Variants in SAMD5 observed in about 807,000 individuals in gnomAD.
SAMD5 encodes the protein sterile alpha motif domain containing 5.
SAMD5 carries 13 observed loss-of-function variants against 11.3 expected under a neutral mutation model. That is an observed-to-expected ratio of 1.15 (90% CI 0.75 to 1.83). The LOEUF (loss-of-function observed/expected upper bound fraction) is 1.83. SAMD5 is among the 40% of genes most tolerant of loss of function. SAMD5 has a pLI of 0.00. For synonymous variants in SAMD5, 129 were observed against 111.3 expected, an observed-to-expected ratio of 1.16 and a Z score of -1.00; for missense variants, 255 against 239.1, an observed-to-expected ratio of 1.07 and a Z score of -0.44.
chr6:147,564,245 A>C (rs1391527941), intron 1 of SAMD5, 149 bp from the exon 2 acceptor site: 3 of 512,252 alleles, frequency 5.9e-6, no homozygotes, highest in Non-Finnish European at 1.1e-5. Context: ...GATAACAAGC[A>C]AAAACTCTTA....
At chr6:147,671,079 T>G (rs946889035) in intron 1 of SAMD5, among the ~76,000 whole-genome samples, 3 of 152,162 alleles carry the variant, frequency 2.0e-5, no homozygotes, top group Admixed American at 1.3e-4. Context: ...ATGTTGTGTC[T>G]CAGTGAAATA....
chr6:147,722,231 T>C (rs943392424), intron 1 of SAMD5, among the ~76,000 whole-genome samples: 9 of 152,028 alleles, frequency 5.9e-5, no homozygotes, highest in African/African-American at 2.2e-4. Flanking sequence ...CTCAATGATA[T>C]GCAAGAGGTA....
intron 1 of SAMD5, among the ~76,000 whole-genome samples, chr6:147,621,344 T>C (rs1789962486): frequency 6.6e-6 from 1 of 152,160 alleles, no homozygotes; most frequent in African/African-American, 2.4e-5. Context: ...TCAATGGAGC[T>C]TGACTTCTGA....
the SAMD5 span, among the ~76,000 whole-genome samples, chr6:147,791,418 A>G: frequency 6.6e-6 from 1 of 152,184 alleles, no homozygotes; most frequent in East Asian, 1.9e-4. Context: ...ATGGTTTTTC[A>G]GATGACTACA....
intron 1 of SAMD5, among the ~76,000 whole-genome samples, chr6:147,705,134 G>A (rs576362949): frequency 1.3e-5 from 2 of 152,270 alleles, no homozygotes; most frequent in African/African-American, 4.8e-5. Flanking sequence ...AATAGATTTT[G>A]TTGCTGTCTA....
Position 147,564,720 on chromosome 6 carries a change from A to C in SAMD5, c.*264A>C, listed in dbSNP as rs1328384396. The C allele has an allele frequency of 8.9e-7, 1 of 1,123,042 alleles. No homozygotes were observed. The highest frequency in any genetic ancestry group is 5.8e-5 in the East Asian group (1 of 17,280). 69.6% of individuals were successfully genotyped at this position (1,123,042 alleles called of 1,614,324 possible). ...TTAAGAAGATATCATGATGAGATAC[A>C]GTCTTATGCATTTCTTGGCATTCTC... is the stretch of plus-strand genomic sequence containing the variant. On this transcript the variant is annotated 3_prime_UTR_variant, in exon 2 of 2. Transcript: ENST00000367474.
At chr6:147,543,850 G>A (rs1057122292) in intron 1 of SAMD5, among the ~76,000 whole-genome samples, 1 of 152,156 alleles carries the variant, frequency 6.6e-6, no homozygotes, top group African/African-American at 2.4e-5. Context: ...GTTGGGAGAA[G>A]CTTTGGAGGC....
chr6:147,880,073 C>A, the SAMD5 span, among the ~76,000 whole-genome samples: 1 of 152,136 alleles, frequency 6.6e-6, no homozygotes, highest in African/African-American at 2.4e-5. Flanking sequence ...ATGTGTTTTC[C>A]ATATGTCATT....
At chr6:147,925,502 T>TA in the SAMD5 span, among the ~76,000 whole-genome samples, 40 of 152,028 alleles carry the variant, frequency 2.6e-4, no homozygotes, top group African/African-American at 8.9e-4. Context: ...TTTTTTTTTT[T>TA]AATTCAGGAG....
chr6:147,875,786 C>T, the SAMD5 span, among the ~76,000 whole-genome samples: 14 of 152,116 alleles, frequency 9.2e-5, no homozygotes, highest in African/African-American at 3.4e-4. Flanking sequence ...GAATCCAGTG[C>T]CTGATGATCT....
the SAMD5 span, among the ~76,000 whole-genome samples, chr6:147,851,097 T>C: frequency 6.6e-6 from 1 of 151,566 alleles, no homozygotes; most frequent in Admixed American, 6.6e-5. Context: ...CAGGCGCCCA[T>C]TGTGCCAGGC....
chr6:147,760,585 A>C, the SAMD5 span, among the ~76,000 whole-genome samples: 1 of 152,302 alleles, frequency 6.6e-6, no homozygotes, highest in African/African-American at 2.4e-5. Context: ...AAGAATTGCC[A>C]GTGGGAACAC....
intron 1 of SAMD5, among the ~76,000 whole-genome samples, chr6:147,518,104 C>T (rs1466839557): frequency 1.3e-5 from 2 of 152,110 alleles, no homozygotes; most frequent in Non-Finnish European, 2.9e-5. Flanking sequence ...GTAAAGGTGT[C>T]TGTGGCCCAA....
At chr6:147,839,372 T>C in the SAMD5 span, among the ~76,000 whole-genome samples, 3 of 152,238 alleles carry the variant, frequency 2.0e-5, no homozygotes, top group Non-Finnish European at 2.9e-5. Context: ...TCTAATATAA[T>C]GTTTTTTTAA....
At chr6:147,725,380 G>A (rs1321309627) in intron 1 of SAMD5, among the ~76,000 whole-genome samples, 1 of 135,610 alleles carries the variant, frequency 7.4e-6, no homozygotes, top group African/African-American at 2.9e-5. Context: ...GGCCTGGACT[G>A]ACCTGGCTTT....
chr6:147,703,876 T>C (rs1791289901), intron 1 of SAMD5, among the ~76,000 whole-genome samples: 1 of 152,178 alleles, frequency 6.6e-6, no homozygotes, highest in South Asian at 2.1e-4. Flanking sequence ...ACTTGGAAAT[T>C]CTACATTATT....
At chr6:147,783,857 T>C in the SAMD5 span, among the ~76,000 whole-genome samples, 1 of 152,200 alleles carries the variant, frequency 6.6e-6, no homozygotes, top group Non-Finnish European at 1.5e-5. Context: ...ATCGAGCTAC[T>C]GAATCAATGC....
chr6:147,803,853 T>C, the SAMD5 span, among the ~76,000 whole-genome samples: 1 of 152,188 alleles, frequency 6.6e-6, no homozygotes, highest in Non-Finnish European at 1.5e-5. Context: ...CCTCCAGCCC[T>C]GGGCATCCAC....
At chr6:147,786,553 G>T in the SAMD5 span, among the ~76,000 whole-genome samples, 1 of 152,248 alleles carries the variant, frequency 6.6e-6, no homozygotes, top group African/African-American at 2.4e-5. Context: ...TGTCATTTCT[G>T]AATTTCATCA....
Sources: allele counts gnomAD v4.1 joint callset (sites outside exome capture counted in the v4.1 genomes callset), GRCh38; gene constraint gnomAD v4.1.1; transcripts MANE v1.5; gene names NCBI Gene and HGNC (gene_info 2026-07-23, HGNC 2026-07-21).